SMG7: variants seen among roughly 807,000 people sequenced by gnomAD.
SMG7 encodes nonsense-mediated mRNA decay factor SMG7.
In SMG7, 34 loss-of-function variants were observed where a neutral mutation model predicts 148.2. The ratio of observed to expected loss-of-function variants is 0.23; its 90% CI spans 0.17 to 0.31. SMG7 has a LOEUF of 0.31. SMG7 is among the 10% of genes least tolerant of loss of function. The probability of loss-of-function intolerance (pLI) is 1.00; values close to 1 mark genes in which losing one functional copy is unlikely to be tolerated. For missense variants in SMG7, 1,114 were observed against 1,408.4 expected (o/e 0.79, Z 3.35); for synonymous variants, 492 against 515.1 (o/e 0.96, Z 0.61).
At chr1:183,504,063 C>T (rs921462165) in intron 1 of SMG7, among the ~76,000 whole-genome samples, 4 of 152,174 alleles carry the variant, frequency 2.6e-5, no homozygotes, top group Non-Finnish European at 5.9e-5. Context: ...TCTTTTCCAA[C>T]ACTCCCAGTG....
At chr1:183,550,373 C>T (rs576136928) in intron 20 of SMG7, among the ~76,000 whole-genome samples, 25 of 152,282 alleles carry the variant, frequency 1.6e-4, no homozygotes, top group African/African-American at 5.8e-4. Flanking sequence ...CCCAGCTCTG[C>T]ACTTTTTAAA....
At chr1:183,480,758 A>G (rs907143032) in intron 1 of SMG7, among the ~76,000 whole-genome samples, 1 of 152,154 alleles carries the variant, frequency 6.6e-6, no homozygotes, top group Admixed American at 6.5e-5. Context: ...TCAAGATTTC[A>G]TGATTCTAAT....
intron 15 of SMG7, among the ~76,000 whole-genome samples, 179 bp downstream of exon 15, chr1:183,544,676 G>A (rs983832910): frequency 6.6e-6 from 1 of 152,102 alleles, no homozygotes; most frequent in Non-Finnish European, 1.5e-5. Context: ...ACAAGTGCAT[G>A]TTTGTTATTA....
intron 4 of SMG7, among the ~76,000 whole-genome samples, chr1:183,519,402 A>T (rs1438963079): frequency 1.3e-5 from 2 of 151,662 alleles, no homozygotes; most frequent in Admixed American, 6.6e-5. Flanking sequence ...CGAGAGAGGG[A>T]TTGGTCCTTA....
chr1:183,532,035 T>C (rs1666963565), intron 8 of SMG7, among the ~76,000 whole-genome samples: 1 of 152,190 alleles, frequency 6.6e-6, no homozygotes, highest in Non-Finnish European at 1.5e-5. Flanking sequence ...GACAGTGTGA[T>C]AGAAAGAGTT....
chr1:183,544,695 A>G (rs1669587651), intron 15 of SMG7, among the ~76,000 whole-genome samples, 198 bp downstream of exon 15: 2 of 152,158 alleles, frequency 1.3e-5, no homozygotes, highest in Non-Finnish European at 2.9e-5. Context: ...TATGAAGGAA[A>G]TCCTATCACT....
At chr1:183,522,735 G>A (rs190829463) in intron 4 of SMG7, among the ~76,000 whole-genome samples, 163 of 151,186 alleles carry the variant, frequency 1.1e-3, no homozygotes, top group Non-Finnish European at 1.6e-3. Context: ...CTAGTACTTG[G>A]TTATCCACAG....
chr1:183,542,809 T>C (rs1348355170), intron 14 of SMG7, among the ~76,000 whole-genome samples: 1 of 152,134 alleles, frequency 6.6e-6, no homozygotes, highest in Admixed American at 6.6e-5. Flanking sequence ...TTAGAAGATA[T>C]AACTACCATT....
Position 183,551,084 on chromosome 1 carries a change from C to T in SMG7, c.3344C>T (p.Ser1115Leu), listed in dbSNP as rs1670965910. 1 of 1,613,918 alleles carries T rather than the reference C, an allele frequency of 6.2e-7. No homozygotes were observed. The highest frequency in any genetic ancestry group is 8.5e-7 in the Non-Finnish European group (1 of 1,179,958). ...GGCATTGATTATCTCTCAGCAACGT[C>T]ATCCTCTGAGAGCAGTTGGCATCAG... ...GFGIDYLSATSSSESSWHQAS... is the reference protein window; with the variant it reads ...GFGIDYLSATLSSESSWHQAS... Residue 1115 changes from serine (S) to leucine (L), a missense_variant, in exon 22 of 23, where the codon TCA becomes TTA. By Grantham distance (145) the Ser-to-Leu change is moderately radical. Coordinates refer to ENST00000688051, the MANE Select transcript of SMG7 (RefSeq NM_001375584.1).
At chr1:183,541,176 G>GCA (rs998213993) in intron 13 of SMG7, 73 bp downstream of exon 13, 15 of 1,244,956 alleles carry the variant, frequency 1.2e-5, no homozygotes, top group East Asian at 7.2e-5. Context: ...ACACGCGCGC[G>GCA]CACACACACA....
intron 21 of SMG7, 32 bp downstream of exon 21, chr1:183,550,953 T>C: frequency 6.2e-7 from 1 of 1,613,938 alleles, no homozygotes; most frequent in Non-Finnish European, 8.5e-7. Context: ...CAGGCAAAAT[T>C]GAAAGAATTT....
intron 1 of SMG7, among the ~76,000 whole-genome samples, chr1:183,478,712 C>T (rs1486220168): frequency 2.6e-5 from 4 of 152,080 alleles, no homozygotes; most frequent in Non-Finnish European, 5.9e-5. Context: ...GTGTTTTATA[C>T]TTGAGAAAAA....
At chr1:183,505,255 C>T (rs1660646654) in intron 1 of SMG7, among the ~76,000 whole-genome samples, 1 of 152,184 alleles carries the variant, frequency 6.6e-6, no homozygotes, top group South Asian at 2.1e-4. Flanking sequence ...AATCTTTTCT[C>T]TGGCAAGGCT....
Position 183,545,228 on chromosome 1 carries a change from A to G in SMG7, c.2286A>G (p.Gln762=). 1 of 1,614,118 alleles carries G rather than the reference A, an allele frequency of 6.2e-7. No homozygotes were observed. Among genetic ancestry groups the G allele is most frequent in the South Asian group, 1.1e-5 (1 of 91,082 alleles). Reference sequence around the variant, plus strand: ...AGTCTACAAGCCAGCTGCAGGTTCAAGCTCTAACTCAGCAACAACAATCCC... The same window carrying G: ...AGTCTACAAGCCAGCTGCAGGTTCAGGCTCTAACTCAGCAACAACAATCCC... ...TAQSTSQLQV[Q]ALTQQQQSPT... Residue 762 remains glutamine, a synonymous_variant, in exon 16 of 23, where the codon CAA becomes CAG. Transcript: ENST00000688051.
chr1:183,539,329 AC>A (rs1668372245), intron 12 of SMG7, among the ~76,000 whole-genome samples: 1 of 151,984 alleles, frequency 6.6e-6, no homozygotes, highest in Non-Finnish European at 1.5e-5. Flanking sequence ...CCTTCATGAA[AC>A]CTTTTTCCTT....
intron 2 of SMG7, 130 bp from the exon 3 acceptor site, chr1:183,515,744 A>G (rs898290372): frequency 5.7e-5 from 27 of 477,304 alleles, no homozygotes; most frequent in Non-Finnish European, 9.4e-5. Context: ...CTTCTGCAGC[A>G]TTCTATGGAA....
rs572877952 is a variant in SMG7, at chr1:183,483,012, A to C, written c.29+10363A>C. Among the ~76,000 whole-genome samples, 15 of 152,284 alleles carry C rather than the reference A, an allele frequency of 9.9e-5. No individual in the cohort carries two copies. The South Asian group carries it at 2.1e-3, about 21-fold the overall frequency. On this transcript the variant is annotated intron_variant, in intron 1 of 22. Transcript: ENST00000688051. ...AAGTGTCTTTGGATTTAACTTTTTC[A>C]AGTCATAAAGAAGAAAAACTTTGCA...
intron 14 of SMG7, among the ~76,000 whole-genome samples, chr1:183,543,715 A>G (rs1669377413): frequency 6.6e-6 from 1 of 152,226 alleles, no homozygotes; most frequent in African/African-American, 2.4e-5. Flanking sequence ...TGGGTTTTCT[A>G]TAAATGCTAC....
intron 9 of SMG7, 98 bp from the exon 10 acceptor site, chr1:183,533,578 A>C (rs1218163877): frequency 9.6e-7 from 1 of 1,038,314 alleles, no homozygotes; most frequent in Non-Finnish European, 1.4e-6. Context: ...AAGATACTCA[A>C]GTGTTAAACA....
Sources: gnomAD v4.1 joint callset for allele counts (sites outside exome capture counted in the v4.1 genomes callset) on GRCh38, gnomAD v4.1.1 for gene constraint, MANE v1.5 for transcripts, NCBI Gene and HGNC (gene_info 2026-07-23, HGNC 2026-07-21) for gene names.